MAST4: variants seen among roughly 807,000 people sequenced by gnomAD.
MAST4 encodes microtubule associated serine/threonine kinase family member 4, also known as microtubule-associated serine/threonine-protein kinase 4.
Under a neutral mutation model 162.7 loss-of-function variants are expected in MAST4, and 89 were observed. The observed-to-expected ratio is 0.55, with a 90% CI of 0.46 to 0.65. The LOEUF (loss-of-function observed/expected upper bound fraction) is 0.65, where lower values mean the gene tolerates loss of function less well. Ranked by LOEUF, MAST4 falls within the 30% of genes least tolerant of loss-of-function variation. The pLI is 0.00. For missense variants in MAST4, 3,153 were observed against 3,374.0 expected, an observed-to-expected ratio of 0.93 and a Z score of 1.62; for synonymous variants, 1,479 against 1,361.1, an observed-to-expected ratio of 1.09 and a Z score of -1.91.
At chr5:66,963,931 C>T (rs908771253) in intron 4 of MAST4, 12 of 730,542 alleles carry the variant, frequency 1.6e-5, no homozygotes, top group South Asian at 2.9e-5. Flanking sequence ...TGGTGACTTA[C>T]TTGATCACTT....
Position 66,596,830 on chromosome 5 carries a change from A to G in MAST4, c.175A>G (p.Arg59Gly), listed in dbSNP as rs1742208360. 7.7e-7 allele frequency: 1 copy of G among 1,304,798 alleles called. No individual in the cohort carries two copies. The highest frequency in any genetic ancestry group is 1.6e-5 in the African/African-American group (1 of 64,264). 80.8% of individuals were successfully genotyped at this position (1,304,798 alleles called of 1,614,324 possible). A position where few individuals can be genotyped will look rare whatever the true frequency, so the allele number is the denominator to read the frequency against. ...SEEGEPGGFS[R>G]EHQPPPPPPL... is the part of the protein sequence containing the mutation. ...GGAAGGGGAGCCCGGCGGCTTCTCC[A>G]GAGAGCATCAGCCGCCGCCGCCGCC... Residue 59 changes from arginine (R) to glycine (G), a missense_variant, in exon 1 of 29, where the codon AGA becomes GGA. Transcript: ENST00000403625.
intron 2 of MAST4, 63 bp from the exon 3 acceptor site, chr5:66,788,607 C>CCCACCACAA: frequency 7.3e-7 from 1 of 1,373,724 alleles, no homozygotes; most frequent in Non-Finnish European, 1.0e-6. Flanking sequence ...CCCCCACCCC[C>CCCACCACAA]ATTGCAATAA....
chr5:66,977,623 G>T (rs1309824156), intron 4 of MAST4, among the ~76,000 whole-genome samples: 1 of 151,974 alleles, frequency 6.6e-6, no homozygotes, highest in Non-Finnish European at 1.5e-5. Flanking sequence ...TAGCTTCTTG[G>T]GCATGAGTCA....
At chr5:66,685,577 AC>A (rs1413300908) in intron 1 of MAST4, among the ~76,000 whole-genome samples, 3 of 152,202 alleles carry the variant, frequency 2.0e-5, no homozygotes, top group Non-Finnish European at 2.9e-5. Flanking sequence ...AAACTAGGGA[AC>A]AAAATTCCCC....
intron 4 of MAST4, among the ~76,000 whole-genome samples, chr5:67,023,671 C>A (rs989004832): frequency 6.6e-6 from 1 of 152,060 alleles, no homozygotes; most frequent in Non-Finnish European, 1.5e-5. Context: ...GGCTGTAACT[C>A]TTTTGAGATG....
intron 4 of MAST4, among the ~76,000 whole-genome samples, chr5:66,987,659 G>A (rs557152876): frequency 1.3e-5 from 2 of 152,108 alleles, no homozygotes; most frequent in South Asian, 4.2e-4. Flanking sequence ...CCACTGAGAA[G>A]TTAATGGTTT....
chr5:67,067,620 C>T (rs147957835), intron 5 of MAST4, among the ~76,000 whole-genome samples: 76 of 152,300 alleles, frequency 5.0e-4, no homozygotes, highest in African/African-American at 1.8e-3. Context: ...TCTGCTGGGA[C>T]ACACTTGCAG....
intron 4 of MAST4, among the ~76,000 whole-genome samples, chr5:66,907,624 G>A (rs1295905308): frequency 6.7e-6 from 1 of 149,842 alleles, no homozygotes; most frequent in Non-Finnish European, 1.5e-5. Flanking sequence ...GTGTGTGTGT[G>A]TGTGTGTGTG....
intron 3 of MAST4, among the ~76,000 whole-genome samples, chr5:66,847,159 A>T (rs183662647): frequency 6.6e-6 from 1 of 152,334 alleles, no homozygotes; most frequent in Admixed American, 6.5e-5. Context: ...GGTTTTGGAA[A>T]AGTTGACACG....
chr5:66,661,487 T>C (rs903708122), intron 1 of MAST4, among the ~76,000 whole-genome samples: 1 of 152,146 alleles, frequency 6.6e-6, no homozygotes, highest in African/African-American at 2.4e-5. Flanking sequence ...GAATGTAGAT[T>C]TATTTTTTTC....
intron 3 of MAST4, among the ~76,000 whole-genome samples, chr5:66,789,205 G>A (rs1478070230): frequency 6.6e-6 from 1 of 150,406 alleles, no homozygotes; most frequent in African/African-American, 2.4e-5. Flanking sequence ...ATGTATGTGT[G>A]TATGTGTACA....
intron 1 of MAST4, among the ~76,000 whole-genome samples, chr5:66,680,989 G>C (rs1748292952): frequency 6.6e-6 from 1 of 152,174 alleles, no homozygotes; most frequent in Non-Finnish European, 1.5e-5. Context: ...CATGCCTTTG[G>C]CCACAAGGGG....
intron 4 of MAST4, among the ~76,000 whole-genome samples, chr5:67,044,669 T>C (rs1263925982): frequency 6.6e-6 from 1 of 152,148 alleles, no homozygotes; most frequent in Non-Finnish European, 1.5e-5. Flanking sequence ...CACACCAGCA[T>C]GCCTAGCTAT....
Position 67,163,019 on chromosome 5 carries a change from C to T in MAST4, c.3968-128C>T. 2 of 1,156,652 alleles carry T rather than the reference C, an allele frequency of 1.7e-6. No individual in the cohort carries two copies. The highest frequency in any genetic ancestry group is 2.4e-5 in the East Asian group (1 of 42,318). The allele number at this position is 1,156,652 out of a possible 1,614,324, so 71.6% of individuals were successfully genotyped here. On this transcript the variant is annotated intron_variant, in intron 28 of 28. Transcript: ENST00000403625. The surrounding 1 kb of genome is among the most constrained non-coding windows in gnomAD (Gnocchi z 7.0). The stretch of plus-strand genomic sequence containing the variant: ...GAGGTTTATCTGAAAAGTGTTTATT[C>T]CACTAGCTAAATGCTGAGACAATTT...
chr5:67,082,869 C>G (rs1260706097), intron 5 of MAST4, among the ~76,000 whole-genome samples: 2 of 152,140 alleles, frequency 1.3e-5, no homozygotes, highest in African/African-American at 4.8e-5. Flanking sequence ...AGCAGAAGCT[C>G]TCTGTACTAT....
At chr5:67,114,298 T>A in intron 12 of MAST4, 79 bp downstream of exon 12, 1 of 1,496,158 alleles carries the variant, frequency 6.7e-7, no homozygotes, top group Non-Finnish European at 9.0e-7. Context: ...TGGCAAGTCT[T>A]TATTTTTCCT....
intron 4 of MAST4, among the ~76,000 whole-genome samples, chr5:66,930,386 T>C (rs1742060302): frequency 1.3e-5 from 2 of 152,218 alleles, no homozygotes; most frequent in Admixed American, 6.5e-5. Flanking sequence ...TATGTGCTGA[T>C]TATCTGGTAA....
intron 4 of MAST4, among the ~76,000 whole-genome samples, chr5:66,930,581 G>A (rs889982960): frequency 3.3e-5 from 5 of 152,162 alleles, no homozygotes; most frequent in African/African-American, 9.7e-5. Context: ...TATCAATGAG[G>A]AGTATATGAG....
At chr5:66,705,790 C>T (rs142679082) in intron 1 of MAST4, among the ~76,000 whole-genome samples, 3 of 152,218 alleles carry the variant, frequency 2.0e-5, no homozygotes, top group East Asian at 1.9e-4. Flanking sequence ...AAATTCAAAA[C>T]CCTTTTGCAT....
Sources: gnomAD v4.1 joint callset for allele counts (sites outside exome capture counted in the v4.1 genomes callset) on GRCh38, gnomAD v4.1.1 for gene constraint, Gnocchi (gnomAD v3.1) non-coding constraint, MANE v1.5 for transcripts, NCBI Gene and HGNC (gene_info 2026-07-23, HGNC 2026-07-21) for gene names.